Variants in SNX19 observed in about 807,000 individuals in gnomAD.
The protein encoded by SNX19 is sorting nexin-19.
In SNX19, 60 loss-of-function variants were observed where a neutral mutation model predicts 85.2. That is an observed-to-expected ratio of 0.70 (90% CI 0.57 to 0.87). SNX19 has a LOEUF of 0.87. SNX19 is among the 40% of genes least tolerant of loss of function. SNX19 has a pLI of 0.00. For missense variants in SNX19, 1,201 were observed against 1,217.8 expected (o/e 0.99, Z 0.21); for synonymous variants, 520 against 470.0 (o/e 1.11, Z -1.38).
chr11:130,894,306 C>A (rs746284286), intron 8 of SNX19, among the ~76,000 whole-genome samples: 1 of 152,170 alleles, frequency 6.6e-6, no homozygotes, highest in African/African-American at 2.4e-5. Context: ...GAATTTTTAA[C>A]GGGTGGGATC....
intron 8 of SNX19, chr11:130,881,015 T>C: frequency 5.2e-6 from 2 of 381,644 alleles, no homozygotes; most frequent in Non-Finnish European, 9.3e-6. Context: ...GAGAGAGACT[T>C]CTCACCCCTT....
intron 8 of SNX19, among the ~76,000 whole-genome samples, chr11:130,881,612 T>C (rs927353670): frequency 3.3e-5 from 5 of 152,258 alleles, no homozygotes; most frequent in African/African-American, 1.2e-4. Flanking sequence ...CTGGTCCTCA[T>C]GACTGTCTTA....
rs1943025591 is a variant in SNX19 at position 130,871,519 on chromosome 11, C to T, written c.*6903G>A. ...TATGAAAAGCAGTATTTCATATCAA[C>T]GTTCATGGTTAATCTTTTTGATAGT... On this transcript the variant is annotated 3_prime_UTR_variant, in exon 11 of 11. Coordinates refer to ENST00000265909, the MANE Select transcript of SNX19 (RefSeq NM_014758.3). Among the ~76,000 whole-genome samples, 1 of 152,146 alleles carries T rather than the reference C, an allele frequency of 6.6e-6. No individual in the cohort carries two copies. The highest frequency in any genetic ancestry group is 1.5e-5 in the Non-Finnish European group (1 of 68,042).
chr11:130,880,777 G>C lies in SNX19; in HGVS notation c.2603C>G (p.Thr868Arg), dbSNP rs573139816. The C allele has an allele frequency of 1.9e-6, 3 of 1,574,206 alleles. No individual in the cohort carries two copies. The African/African-American group carries it at 4.0e-5, about 21-fold the overall frequency. The change falls in exon 9 of 11, where the codon ACA becomes AGA. Residue 868 changes from threonine to arginine, a missense_variant. Coordinates refer to ENST00000265909, the MANE Select transcript of SNX19 (RefSeq NM_014758.3). ...GTACTGCACCCAGCGCTGTGGACTT[G>C]TTAAATTAGCTACCTGCACCTCTAG... Reference protein sequence around the residue: ...RWLEVQVANLTSPQRWVQYLL... With the variant: ...RWLEVQVANLRSPQRWVQYLL...
At chr11:130,884,388 C>T (rs1300524087) in intron 8 of SNX19, among the ~76,000 whole-genome samples, 1 of 152,042 alleles carries the variant, frequency 6.6e-6, no homozygotes, top group Admixed American at 6.5e-5. Context: ...AAAAGAGATT[C>T]GTAACCCTAT....
chr11:130,908,857 G>C (rs1478237815), intron 4 of SNX19, among the ~76,000 whole-genome samples: 2 of 152,220 alleles, frequency 1.3e-5, no homozygotes, highest in Admixed American at 6.5e-5. Context: ...CTCTTCCTCT[G>C]GTGCTTCTTG....
chr11:130,914,236 G>C, intron 1 of SNX19, 30 bp downstream of exon 1: 1 of 1,510,960 alleles, frequency 6.6e-7, no homozygotes, highest in Non-Finnish European at 8.9e-7. Context: ...TCCTAGCCCG[G>C]GTGAGCACCC....
At chr11:130,888,522 T>C (rs1944252313) in intron 8 of SNX19, among the ~76,000 whole-genome samples, 2 of 152,176 alleles carry the variant, frequency 1.3e-5, no homozygotes, top group African/African-American at 4.8e-5. Context: ...ACAATGTAAC[T>C]ACAACTGCAT....
intron 8 of SNX19, among the ~76,000 whole-genome samples, chr11:130,893,272 A>G (rs145428469): frequency 6.6e-4 from 101 of 152,274 alleles, no homozygotes; most frequent in African/African-American, 2.3e-3. Context: ...ACAGATTTAG[A>G]GTGTGCTCAG....
In SNX19 at chr11:130,914,542, T is replaced by C. The variant is rs1946389176; in HGVS notation, c.1398A>G (p.Thr466=). ...TCTTTTCTGGCCCCTCCAGCAAAGC[T>C]GTAACAGAGGCGGTAACATCTCCTT... is the stretch of plus-strand genomic sequence containing the variant. The part of the protein sequence containing the change: ...IEQGDVTASV[T]ALLEGPEKTC... The change falls in exon 1 of 11, where the codon ACA becomes ACG. Residue 466 remains threonine (T), a synonymous_variant. Transcript: ENST00000265909. The C allele has an allele frequency of 6.2e-7, 1 of 1,613,992 alleles. No individual in the cohort carries two copies. Among genetic ancestry groups the C allele is most frequent in the Non-Finnish European group, 8.5e-7 (1 of 1,179,870 alleles).
intron 7 of SNX19, among the ~76,000 whole-genome samples, chr11:130,904,569 T>C (rs777404822): frequency 6.6e-6 from 1 of 152,228 alleles, no homozygotes; most frequent in South Asian, 2.1e-4. Flanking sequence ...TCCTCAATTG[T>C]ATGATTCTCT....
At position 130,914,477 on chromosome 11, in the gene SNX19, GTGAGA is replaced by G; in HGVS notation, c.1458_1462del (p.Leu487GlnfsTer2). 1 of 1,613,888 alleles carries G rather than the reference GTGAGA, an allele frequency of 6.2e-7. No individual in the cohort carries two copies. The highest frequency in any genetic ancestry group is 8.5e-7 in the Non-Finnish European group (1 of 1,179,818). The stretch of plus-strand genomic sequence containing the variant: ...AGGATCAAGGGAGCTCACATCATTG[GTGAGA>G]TCCTTCTCTAAGCATGACGGCCGTG... On this transcript the variant is annotated frameshift_variant, in exon 1 of 11. Coordinates refer to ENST00000265909, the MANE Select transcript of SNX19 (RefSeq NM_014758.3). LOFTEE classifies it high-confidence loss of function.
intron 9 of SNX19, 42 bp downstream of exon 9, chr11:130,880,580 G>A: frequency 2.6e-6 from 4 of 1,512,570 alleles, no homozygotes; most frequent in Non-Finnish European, 3.6e-6. Flanking sequence ...CAGAATGGAA[G>A]AGAAATGTGA....
chr11:130,906,656 T>C lies in SNX19; in HGVS notation c.2231A>G (p.Lys744Arg), dbSNP rs749236122. The C allele has an allele frequency of 1.9e-6, 3 of 1,613,228 alleles. No individual in the cohort carries two copies. The highest frequency in any genetic ancestry group is 1.7e-6 in the Non-Finnish European group (2 of 1,179,298). Reference sequence around the variant, plus strand: ...GCCTTCCTGGAGACAATAAAGAATCTTGTCTTGTGCTTCAGTCACACTTAG... The same window carrying C: ...GCCTTCCTGGAGACAATAAAGAATCCTGTCTTGTGCTTCAGTCACACTTAG... The part of the protein sequence containing the change: ...PALSVTEAQD[K>R]ILYCLQEGNV... Residue 744 changes from lysine to arginine, a missense_variant, in exon 6 of 11, where the codon AAG (lysine) becomes AGG (arginine). This residue lies in a region of SNX19 where 285 missense variants were observed against 295.3 expected (regional missense o/e 0.97). Transcript: ENST00000265909.
At chr11:130,884,828 C>A (rs34333162) in intron 8 of SNX19, among the ~76,000 whole-genome samples, 2 of 146,360 alleles carry the variant, frequency 1.4e-5, no homozygotes, top group East Asian at 4.0e-4. Context: ...GCCAAGATCA[C>A]GCCACTGTAC....
At chr11:130,913,615 ATGGGTAGG>A (rs1946315635) in intron 1 of SNX19, among the ~76,000 whole-genome samples, 1 of 152,178 alleles carries the variant, frequency 6.6e-6, no homozygotes, top group Non-Finnish European at 1.5e-5. Context: ...GTAAAATCCA[ATGGGTAGG>A]ATCTTGTCCA....
chr11:130,872,911 T>G lies in SNX19; in HGVS notation c.*5511A>C, dbSNP rs1347806797. ...AGTTAGATTGGACAAACAGCCGGTG[T>G]GGAGGGGGCTGTGGGAGGTACGGCT... On this transcript the variant is annotated 3_prime_UTR_variant, in exon 11 of 11. Coordinates refer to ENST00000265909, the MANE Select transcript of SNX19 (RefSeq NM_014758.3). Among the ~76,000 whole-genome samples the G allele has an allele frequency of 6.6e-6, 1 of 152,182 alleles. No homozygotes were observed. Among genetic ancestry groups the G allele is most frequent in the Non-Finnish European group, 1.5e-5 (1 of 68,030 alleles).
intron 8 of SNX19, chr11:130,894,700 C>T (rs1363317426): frequency 3.0e-6 from 3 of 985,292 alleles, no homozygotes; most frequent in African/African-American, 3.5e-5. Flanking sequence ...AACACACATT[C>T]AGAAAGAAGC....
chr11:130,907,905 C>T (rs1427326747), intron 5 of SNX19, 48 bp downstream of exon 5: 2 of 1,606,372 alleles, frequency 1.2e-6, no homozygotes, highest in East Asian at 4.5e-5. Context: ...GATTGGGGAT[C>T]AATTTGAGAA....
Sources: allele counts gnomAD v4.1 joint callset (sites outside exome capture counted in the v4.1 genomes callset), GRCh38; gene constraint gnomAD v4.1.1; regional missense constraint gnomAD v4.1.1; transcripts MANE v1.5; gene names NCBI Gene and HGNC (gene_info 2026-07-23, HGNC 2026-07-21).